Variants in NOTO observed in about 807,000 individuals in gnomAD.
NOTO encodes notochord homeobox, also known as homeobox protein notochord.
NOTO carries 19 observed loss-of-function variants against 20.5 expected under a neutral mutation model. The ratio of observed to expected loss-of-function variants is 0.93; its 90% CI spans 0.65 to 1.36. The LOEUF (loss-of-function observed/expected upper bound fraction) is 1.36, where lower values mean the gene tolerates loss of function less well. NOTO is among the 40% of genes most tolerant of loss of function. NOTO has a pLI of 0.00. For synonymous variants in NOTO, 150 were observed against 150.2 expected, an observed-to-expected ratio of 1.00 and a Z score of 0.01; for missense variants, 369 against 336.2, an observed-to-expected ratio of 1.10 and a Z score of -0.76.
intron 2 of NOTO, among the ~76,000 whole-genome samples, chr2:73,209,220 A>G (rs1425539388): frequency 6.6e-6 from 1 of 151,806 alleles, no homozygotes; most frequent in Non-Finnish European, 1.5e-5. Flanking sequence ...TTAAGTAGAT[A>G]TTAAAGAGTC....
chr2:73,203,930 C>A (rs1686046733), intron 1 of NOTO, among the ~76,000 whole-genome samples: 2 of 132,014 alleles, frequency 1.5e-5, no homozygotes, highest in South Asian at 4.7e-4. Context: ...GAAACCCCGT[C>A]TCTACTAAAA....
intron 1 of NOTO, among the ~76,000 whole-genome samples, chr2:73,204,865 G>A (rs190278136): frequency 7.4e-6 from 1 of 135,164 alleles, no homozygotes; most frequent in African/African-American, 2.8e-5. Flanking sequence ...CACCATGCCC[G>A]GCTAATTTTT....
chr2:73,203,239 AC>A (rs1161477331), intron 1 of NOTO, among the ~76,000 whole-genome samples, 191 bp downstream of exon 1: 51 of 151,930 alleles, frequency 3.4e-4, no homozygotes, highest in African/African-American at 1.1e-3. Flanking sequence ...GCTGAAAAAG[AC>A]CCCGGCGCGA....
Position 73,210,921 on chromosome 2 carries a change from G to C in NOTO, c.748G>C (p.Asp250His), listed in dbSNP as rs1280055973. 9.0e-6 allele frequency: 14 copies of C among 1,550,708 alleles called. No individual in the cohort carries two copies. Among genetic ancestry groups the C allele is most frequent in the Non-Finnish European group, 1.1e-5 (13 of 1,146,384 alleles). ...GAGTGATGATGCCGAGTCAGGAGTG[G>C]ACGGCTGAAGACTGGGACAGAGGCC... ...IQSDDAESGV[D>H]G The change falls in exon 3 of 3, where the codon GAC becomes CAC. Residue 250 changes from aspartate to histidine, a missense_variant. Coordinates refer to ENST00000398468, the MANE Select transcript of NOTO (RefSeq NM_001134462.2).
chr2:73,208,342 C>T, intron 1 of NOTO, 58 bp from the exon 2 acceptor site: 2 of 1,221,842 alleles, frequency 1.6e-6, no homozygotes, highest in Non-Finnish European at 2.3e-6. Flanking sequence ...GTGCAGGGGG[C>T]TTCTGGCTAA....
intron 1 of NOTO, among the ~76,000 whole-genome samples, chr2:73,203,627 C>G (rs1686039902): frequency 2.6e-5 from 4 of 152,220 alleles, no homozygotes. Flanking sequence ...GCATGCAATG[C>G]TCTTAAGTAG....
At chr2:73,207,120 C>G (rs904003607) in intron 1 of NOTO, among the ~76,000 whole-genome samples, 1 of 152,092 alleles carries the variant, frequency 6.6e-6, no homozygotes, top group South Asian at 2.1e-4. Context: ...AAGGAACACA[C>G]AGTACAGCCT....
rs1558548731 is a variant in NOTO, at chr2:73,210,885, GCCAGTAT to G, written c.717_723del (p.Ser239ArgfsTer67). 6.4e-7 allele frequency: 1 copy of G among 1,551,640 alleles called. No individual in the cohort carries two copies. The highest frequency in any genetic ancestry group is 8.7e-7 in the Non-Finnish European group (1 of 1,146,956). Reference sequence around the variant, plus strand: ...GGATGAGCCTTCCAGCAGCTCCATCGCCAGTATCCAGAGTGATGATGCCGAGTCAGGA... The same window carrying G: ...GGATGAGCCTTCCAGCAGCTCCATCGCCAGAGTGATGATGCCGAGTCAGGA... On this transcript the variant is annotated frameshift_variant, in exon 3 of 3. Coordinates refer to ENST00000398468, the MANE Select transcript of NOTO (RefSeq NM_001134462.2). LOFTEE classifies it high-confidence loss of function.
intron 1 of NOTO, among the ~76,000 whole-genome samples, chr2:73,208,042 G>T (rs1302703284): frequency 6.6e-6 from 1 of 152,208 alleles, no homozygotes; most frequent in Non-Finnish European, 1.5e-5. Context: ...TGAACCCCTG[G>T]GGGTCTCTTC....
chr2:73,203,037 T>A lies in NOTO; in HGVS notation c.371T>A (p.Phe124Tyr). ...RVAPVCGLLG[F>Y]GVTGLELAHC... ...GCTCCCGTCTGCGGCCTGCTGGGCTTCGGCGTCACAGGTACTGCGGTCCCG... is the reference window on the plus strand; with the variant it reads ...GCTCCCGTCTGCGGCCTGCTGGGCTACGGCGTCACAGGTACTGCGGTCCCG... Residue 124 changes from phenylalanine to tyrosine, a missense_variant, in exon 1 of 3, where the codon TTC becomes TAC. Transcript: ENST00000398468. 7.1e-7 allele frequency: 1 copy of A among 1,399,296 alleles called. No homozygotes were observed. Among genetic ancestry groups the A allele is most frequent in the Non-Finnish European group, 9.3e-7 (1 of 1,079,628 alleles). The allele number at this position is 1,399,296 out of a possible 1,614,324, so 86.7% of individuals were successfully genotyped here. A position where few individuals can be genotyped will look rare whatever the true frequency, so the allele number is the denominator to read the frequency against.
intron 1 of NOTO, among the ~76,000 whole-genome samples, chr2:73,203,853 C>CTACTCAGGAGGCTAAAGCAGG (rs1362772783): frequency 3.3e-4 from 47 of 144,300 alleles, no homozygotes; most frequent in Admixed American, 5.4e-4. Flanking sequence ...GTAATCCCAG[C>CTACTCAGGAGGCTAAAGCAGG]ACTTTGGGAG....
At chr2:73,206,342 G>C (rs184376055) in intron 1 of NOTO, among the ~76,000 whole-genome samples, 1 of 152,182 alleles carries the variant, frequency 6.6e-6, no homozygotes, top group East Asian at 1.9e-4. Flanking sequence ...TTTTGTTTTT[G>C]TTGTTGTGGT....
chr2:73,210,882 A>G lies in NOTO; in HGVS notation c.709A>G (p.Ile237Val), dbSNP rs559631227. 215 of 1,551,656 alleles carry G rather than the reference A, an allele frequency of 1.4e-4. No individual in the cohort carries two copies. The highest frequency in any genetic ancestry group is 5.9e-4 in the Admixed American group (30 of 51,012). Residue 237 changes from isoleucine (I) to valine (V), a missense_variant, in exon 3 of 3, where the codon ATC (isoleucine) becomes GTC (valine). Coordinates refer to ENST00000398468, the MANE Select transcript of NOTO (RefSeq NM_001134462.2). ...CCTGGATGAGCCTTCCAGCAGCTCC[A>G]TCGCCAGTATCCAGAGTGATGATGC... is the stretch of plus-strand genomic sequence containing the variant. ...ASLDEPSSSS[I>V]ASIQSDDAES...
chr2:73,203,778 A>G (rs1686041866), intron 1 of NOTO, among the ~76,000 whole-genome samples: 1 of 152,078 alleles, frequency 6.6e-6, no homozygotes, highest in Non-Finnish European at 1.5e-5. Flanking sequence ...CAGCCTGGCC[A>G]ACATGGTGAA....
chr2:73,204,202 C>T (rs1015242012), intron 1 of NOTO, among the ~76,000 whole-genome samples: 1 of 151,996 alleles, frequency 6.6e-6, no homozygotes, highest in South Asian at 2.1e-4. Context: ...CACTTGAACC[C>T]GGGAGGTTGA....
At chr2:73,207,603 G>T (rs550761796) in intron 1 of NOTO, among the ~76,000 whole-genome samples, 2 of 152,116 alleles carry the variant, frequency 1.3e-5, no homozygotes, top group African/African-American at 4.8e-5. Flanking sequence ...ACCCAGGATG[G>T]AGTAGAGTGG....
rs1167506946 is a variant in NOTO at position 73,208,560 on chromosome 2, G to T, written c.543G>T (p.Leu181=). The T allele has an allele frequency of 1.3e-6, 2 of 1,551,600 alleles. No homozygotes were observed. The highest frequency in any genetic ancestry group is 4.9e-5 in the East Asian group (2 of 40,918). ...LEKVFAKQHN[L]VGKKRAQLAA... is the part of the protein sequence containing the mutation. ...AAGTGTTTGCAAAACAGCACAATCT[G>T]GTGGGGAAGAAGAGAGCCCAGCTGG... The change falls in exon 2 of 3, where the codon CTG becomes CTT. Residue 181 remains leucine (L), a synonymous_variant. Transcript: ENST00000398468.
rs939253309 is a variant in NOTO, at chr2:73,203,062, G to A, written c.382+14G>A. 87 of 1,373,112 alleles carry A rather than the reference G, an allele frequency of 6.3e-5. No individual in the cohort carries two copies. The highest frequency in any genetic ancestry group is 2.4e-4 in the Middle Eastern group (1 of 4,212). 85.1% of individuals were successfully genotyped at this position (1,373,112 alleles called of 1,614,324 possible). A position where few individuals can be genotyped will look rare whatever the true frequency, so the allele number is the denominator to read the frequency against. On this transcript the variant is annotated intron_variant, in intron 1 of 2. Coordinates refer to ENST00000398468, the MANE Select transcript of NOTO (RefSeq NM_001134462.2). Reference sequence around the variant, plus strand: ...TCGGCGTCACAGGTACTGCGGTCCCGGCGCCCGCACGCGGGGGACTGGGCG... The same window carrying A: ...TCGGCGTCACAGGTACTGCGGTCCCAGCGCCCGCACGCGGGGGACTGGGCG...
Position 73,210,845 on chromosome 2 carries a change from C to G in NOTO, c.672C>G (p.Ala224=). Residue 224 remains alanine, a synonymous_variant, in exon 3 of 3, where the codon GCC becomes GCG. Coordinates refer to ENST00000398468, the MANE Select transcript of NOTO (RefSeq NM_001134462.2). ...AGCTGAGGGCAGCAGTTACATCTGC[C>G]GAGGCTGCCTCCCTGGATGAGCCTT... The part of the protein sequence containing the change: ...QQKLRAAVTS[A]EAASLDEPSS... The G allele has an allele frequency of 6.4e-7, 1 of 1,551,550 alleles. No homozygotes were observed. Among genetic ancestry groups the G allele is most frequent in the Non-Finnish European group, 8.7e-7 (1 of 1,146,870 alleles).
Sources: gnomAD v4.1 joint callset for allele counts (sites outside exome capture counted in the v4.1 genomes callset) on GRCh38, gnomAD v4.1.1 for gene constraint, MANE v1.5 for transcripts, NCBI Gene and HGNC (gene_info 2026-07-23, HGNC 2026-07-21) for gene names.